The following CATSPERT variants were observed in gnomAD, a reference collection of about 807,000 sequenced individuals.
The protein encoded by CATSPERT is cation channel sperm-associated targeting subunit tau.
chr2:201,491,081 A>T, the CATSPERT span: 2 of 1,141,992 alleles, frequency 1.8e-6, no homozygotes, highest in East Asian at 5.1e-5. Context: ...AAGGTTATAC[A>T]CACAGTTGGA....
At chr2:201,514,320 G>T in the CATSPERT span, among the ~76,000 whole-genome samples, 1 of 152,064 alleles carries the variant, frequency 6.6e-6, no homozygotes. Flanking sequence ...AACAATATAT[G>T]AAAAGGATAA....
At chr2:201,567,652 G>A in the CATSPERT span, among the ~76,000 whole-genome samples, 72,070 of 152,106 alleles carry the variant, frequency 0.47, 17,559 homozygotes, top group Non-Finnish European at 0.53. Context: ...AAAGATAGGC[G>A]GGAGGAATTC....
the CATSPERT span, among the ~76,000 whole-genome samples, chr2:201,513,093 A>T: frequency 3.3e-5 from 5 of 150,518 alleles, no homozygotes; most frequent in African/African-American, 9.7e-5. Context: ...ATAATAAAAT[A>T]AAAAAAAAGA....
the CATSPERT span, among the ~76,000 whole-genome samples, chr2:201,529,976 T>C: frequency 6.6e-6 from 1 of 152,042 alleles, no homozygotes; most frequent in Non-Finnish European, 1.5e-5. Flanking sequence ...AAGGAAGACA[T>C]ATGAAAGGCC....
chr2:201,606,901 A>C, the CATSPERT span, among the ~76,000 whole-genome samples: 1 of 150,766 alleles, frequency 6.6e-6, no homozygotes, highest in Admixed American at 6.6e-5. Context: ...TCTGTCTCAA[A>C]AAAAAAAAAA....
At chr2:201,604,123 C>T in the CATSPERT span, among the ~76,000 whole-genome samples, 4 of 149,444 alleles carry the variant, frequency 2.7e-5, no homozygotes, top group South Asian at 4.4e-4. Flanking sequence ...CTGCGTCCTC[C>T]CTCTGTGTGG....
chr2:201,572,093 T>C, the CATSPERT span: 1 of 1,083,232 alleles, frequency 9.2e-7, no homozygotes, highest in Non-Finnish European at 1.4e-6. Context: ...TACCATACCA[T>C]ATTGATACCA....
At chr2:201,487,495 C>T in the CATSPERT span, 2 of 1,000,228 alleles carry the variant, frequency 2.0e-6, no homozygotes, top group African/African-American at 1.6e-5. Flanking sequence ...TTCTGTCACA[C>T]AAAAGAAGAG....
chr2:201,574,378 G>T, the CATSPERT span: 1 of 917,334 alleles, frequency 1.1e-6, no homozygotes. Flanking sequence ...AGTTAGAAAA[G>T]CCAAAGTATG....
the CATSPERT span, chr2:201,494,812 T>C: frequency 7.0e-7 from 1 of 1,429,626 alleles, no homozygotes. Flanking sequence ...TTTGAATTTA[T>C]CATATATTTT....
the CATSPERT span, among the ~76,000 whole-genome samples, chr2:201,530,540 A>G: frequency 2.6e-5 from 4 of 151,638 alleles, no homozygotes; most frequent in Admixed American, 6.6e-5. Context: ...AGATTACGGC[A>G]TATTTCCCAA....
the CATSPERT span, chr2:201,565,585 C>T: frequency 1.3e-5 from 10 of 783,570 alleles, no homozygotes; most frequent in Non-Finnish European, 1.8e-5. Flanking sequence ...AATCTCTGAA[C>T]CCATGAAACA....
At chr2:201,545,629 C>CAAAAAAAAAAA in the CATSPERT span, 15 of 156,538 alleles carry the variant, frequency 9.6e-5, no homozygotes, top group African/African-American at 1.7e-4. Context: ...TTCCTAGAAG[C>CAAAAAAAAAAA]AAAAAAAAAA....
chr2:201,521,278 G>A, the CATSPERT span, among the ~76,000 whole-genome samples: 1 of 152,162 alleles, frequency 6.6e-6, no homozygotes, highest in Non-Finnish European at 1.5e-5. Context: ...ACCTGAGACT[G>A]GGTAATTTAT....
the CATSPERT span, among the ~76,000 whole-genome samples, chr2:201,517,045 T>C: frequency 6.6e-6 from 1 of 151,838 alleles, no homozygotes; most frequent in Non-Finnish European, 1.5e-5. Flanking sequence ...TTCTGGCACA[T>C]GCTGCTATAG....
At chr2:201,538,829 C>T in the CATSPERT span, among the ~76,000 whole-genome samples, 1 of 152,134 alleles carries the variant, frequency 6.6e-6, no homozygotes, top group Non-Finnish European at 1.5e-5. Context: ...ACCCTCCACT[C>T]TCTGATAGGT....
At chr2:201,563,072 T>C in the CATSPERT span, among the ~76,000 whole-genome samples, 25 of 142,324 alleles carry the variant, frequency 1.8e-4, no homozygotes, top group South Asian at 4.7e-4. Flanking sequence ...GAGGGGCTCC[T>C]CACCTCCCAG....
chr2:201,610,081 T>C, the CATSPERT span, among the ~76,000 whole-genome samples: 2 of 151,978 alleles, frequency 1.3e-5, no homozygotes, highest in Non-Finnish European at 2.9e-5. Flanking sequence ...CCTAGACAAA[T>C]ACAAGTGACC....
At chr2:201,545,724 A>T in the CATSPERT span, 2 of 690,588 alleles carry the variant, frequency 2.9e-6, no homozygotes, top group Non-Finnish European at 2.2e-6. Context: ...AACTACTTTT[A>T]ATACAATACA....
Sources: allele counts gnomAD v4.1 joint callset (sites outside exome capture counted in the v4.1 genomes callset), GRCh38; gene constraint gnomAD v4.1.1; transcripts MANE v1.5; gene names NCBI Gene and HGNC (gene_info 2026-07-23, HGNC 2026-07-21).